Variants in PLD5 observed in about 807,000 individuals in gnomAD.
PLD5 encodes inactive phospholipase D5.
Under a neutral mutation model 61.1 loss-of-function variants are expected in PLD5, and 36 were observed. The ratio of observed to expected loss-of-function variants is 0.59; its 90% confidence interval spans 0.45 to 0.78. The LOEUF (loss-of-function observed/expected upper bound fraction) is 0.78. PLD5 is among the 30% of genes least tolerant of loss of function. The probability of loss-of-function intolerance (pLI) is 0.00; values close to 1 mark genes in which losing one functional copy is unlikely to be tolerated. For missense variants in PLD5, 515 were observed against 644.4 expected (o/e 0.80, Z 2.17); for synonymous variants, 243 against 242.8 (o/e 1.00, Z -0.01).
At chr1:242,426,605 CAT>C (rs1320561135) in intron 1 of PLD5, among the ~76,000 whole-genome samples, 1 of 152,220 alleles carries the variant, frequency 6.6e-6, no homozygotes, top group Non-Finnish European at 1.5e-5. Context: ...TGATATCATA[CAT>C]GTGCTCTGTC....
chr1:242,468,954 T>G (rs545409287), intron 1 of PLD5, among the ~76,000 whole-genome samples: 1 of 152,160 alleles, frequency 6.6e-6, no homozygotes, highest in South Asian at 2.1e-4. Flanking sequence ...AAAAATAACT[T>G]CCTCAAGAGC....
intron 8 of PLD5, among the ~76,000 whole-genome samples, chr1:242,107,395 G>T (rs1661143646): frequency 6.7e-6 from 1 of 150,120 alleles, no homozygotes; most frequent in African/African-American, 2.4e-5. Context: ...CTGGGTGACA[G>T]AGCAAAACCC....
intron 5 of PLD5, among the ~76,000 whole-genome samples, chr1:242,153,583 T>C (rs1273238789): frequency 2.0e-5 from 3 of 152,258 alleles, no homozygotes; most frequent in Non-Finnish European, 4.4e-5. Context: ...CTAGCCAGTT[T>C]TCCCAGCACC....
At chr1:242,394,186 A>G (rs950223211) in intron 1 of PLD5, among the ~76,000 whole-genome samples, 2 of 78,710 alleles carry the variant, frequency 2.5e-5, no homozygotes, top group East Asian at 3.1e-4. Flanking sequence ...ATATATGAGT[A>G]TATATGAGTA....
chr1:242,381,487 A>G (rs12136980), intron 1 of PLD5, among the ~76,000 whole-genome samples: 127,363 of 152,102 alleles, frequency 0.84, 55,877 homozygotes, highest in Non-Finnish European at 0.97. Context: ...GCAAGCCATC[A>G]CAGGGCACAC....
intron 1 of PLD5, among the ~76,000 whole-genome samples, chr1:242,443,122 A>T (rs1666350802): frequency 6.6e-6 from 1 of 152,234 alleles, no homozygotes; most frequent in Non-Finnish European, 1.5e-5. Flanking sequence ...GGCTGAAGTT[A>T]GTTAAAAAGT....
At chr1:242,463,413 A>G (rs905963156) in intron 1 of PLD5, among the ~76,000 whole-genome samples, 1 of 152,186 alleles carries the variant, frequency 6.6e-6, no homozygotes, top group Non-Finnish European at 1.5e-5. Context: ...TTCATGCTGC[A>G]TCGCAAGCGG....
chr1:242,518,173 C>T (rs1669166583), intron 1 of PLD5, among the ~76,000 whole-genome samples: 1 of 152,168 alleles, frequency 6.6e-6, no homozygotes, highest in East Asian at 1.9e-4. Flanking sequence ...GGAAAGTTTG[C>T]CTCATTCTTC....
chr1:242,433,611 A>C (rs1665840095), intron 1 of PLD5, among the ~76,000 whole-genome samples: 1 of 152,242 alleles, frequency 6.6e-6, no homozygotes, highest in Admixed American at 6.5e-5. Flanking sequence ...ACAGCAGTGA[A>C]CAAACTAATG....
intron 1 of PLD5, among the ~76,000 whole-genome samples, chr1:242,355,962 C>T (rs1467284745): frequency 6.6e-6 from 1 of 151,084 alleles, no homozygotes; most frequent in Non-Finnish European, 1.5e-5. Context: ...TGATTTCAAT[C>T]TTCTTAAATT....
At chr1:242,331,282 A>G (rs577509516) in intron 2 of PLD5, among the ~76,000 whole-genome samples, 11 of 152,274 alleles carry the variant, frequency 7.2e-5, no homozygotes, top group African/African-American at 1.9e-4. Flanking sequence ...GCCTAACCAA[A>G]TGGGCACCCC....
At chr1:242,223,753 A>G (rs376229775) in intron 4 of PLD5, among the ~76,000 whole-genome samples, 126 of 152,198 alleles carry the variant, frequency 8.3e-4, no homozygotes, top group African/African-American at 2.9e-3. Context: ...TCACTTCCCC[A>G]TTGCAAATTA....
At chr1:242,510,701 TGGGCGGGGTGGCAGGC>T (rs1359904760) in intron 1 of PLD5, among the ~76,000 whole-genome samples, 1 of 151,562 alleles carries the variant, frequency 6.6e-6, no homozygotes, top group Non-Finnish European at 1.5e-5. Context: ...AGAAAATAGC[TGGGCGGGGTGGCAGGC>T]GCCTGTAGTC....
intron 2 of PLD5, among the ~76,000 whole-genome samples, chr1:242,304,469 A>C (rs1676234573): frequency 6.6e-6 from 1 of 152,240 alleles, no homozygotes; most frequent in Non-Finnish European, 1.5e-5. Context: ...TTCCGAGTTG[A>C]CACATTGAAG....
Position 242,256,754 on chromosome 1 carries a change from CTA to C in PLD5, c.607+8581_607+8582del, listed in dbSNP as rs1419121424. 1.1e-5 allele frequency among the ~76,000 whole-genome samples: 1 copy of C among 90,406 alleles called. No homozygotes were observed. The highest frequency in any genetic ancestry group is 2.2e-5 in the Non-Finnish European group (1 of 46,220). 59.3% of individuals were successfully genotyped at this position (90,406 alleles called of 152,430 possible). On this transcript the variant is annotated intron_variant, in intron 4 of 9. Transcript: ENST00000536534. This position sits in a 1 kb window ranked among gnomAD's most constrained non-coding sequence, Gnocchi z 5.7. ...CAAATGAACTAAGACTATCATCTATCTATCTATCTATCTATCTATCTATCTAT... is the reference window on the plus strand; with the variant it reads ...CAAATGAACTAAGACTATCATCTATCTCTATCTATCTATCTATCTATCTAT...
At chr1:242,337,331 T>C (rs1013317663) in intron 2 of PLD5, among the ~76,000 whole-genome samples, 1 of 44,420 alleles carries the variant, frequency 2.3e-5, no homozygotes, top group Non-Finnish European at 6.4e-5. Flanking sequence ...AGAGTGTGGC[T>C]CAAAAAATAG....
At chr1:242,526,829 C>T (rs1168747947), upstream of PLD5, among the ~76,000 whole-genome samples, 2 of 148,752 alleles carry the variant, frequency 1.3e-5, no homozygotes, top group East Asian at 4.0e-4. Context: ...TAAATGACGA[C>T]AAACAATTAT....
At chr1:242,452,927 T>A (rs1046089385) in intron 1 of PLD5, among the ~76,000 whole-genome samples, 1 of 151,962 alleles carries the variant, frequency 6.6e-6, no homozygotes, top group Non-Finnish European at 1.5e-5. Context: ...GTGAAAAGTC[T>A]GAGACCAAGC....
At chr1:242,221,064 A>C (rs1670557881) in intron 4 of PLD5, among the ~76,000 whole-genome samples, 1 of 152,210 alleles carries the variant, frequency 6.6e-6, no homozygotes. Flanking sequence ...CTTTACTGAA[A>C]TGCAACCTTG....
Sources: allele counts gnomAD v4.1 joint callset (sites outside exome capture counted in the v4.1 genomes callset), GRCh38; gene constraint gnomAD v4.1.1; non-coding constraint Gnocchi (gnomAD v3.1); transcripts MANE v1.5; gene names NCBI Gene and HGNC (gene_info 2026-07-23, HGNC 2026-07-21).